Variants in STX16 observed in about 807,000 individuals in gnomAD.
STX16 encodes syntaxin 16.
STX16 carries 28 observed loss-of-function variants against 42.7 expected under a neutral mutation model. That is an observed-to-expected ratio of 0.66 (90% confidence interval 0.49 to 0.90). STX16 has a LOEUF of 0.90. Ranked by LOEUF, STX16 falls within the 40% of genes least tolerant of loss-of-function variation. The probability of loss-of-function intolerance (pLI) is 0.00; values close to 1 mark genes in which losing one functional copy is unlikely to be tolerated. For synonymous variants in STX16, 156 were observed against 155.2 expected, an observed-to-expected ratio of 1.00 and a Z score of -0.04; for missense variants, 361 against 420.9, an observed-to-expected ratio of 0.86 and a Z score of 1.24.
In STX16 at chr20:58,671,166, G is replaced by A. The variant is rs781763936; in HGVS notation, c.661G>A (p.Asp221Asn). The A allele has an allele frequency of 1.3e-5, 21 of 1,613,778 alleles. No homozygotes were observed. The Admixed American group carries it at 1.3e-4, about 10-fold the overall frequency. The change falls in exon 7 of 9, where the codon GAC becomes AAC. Residue 221 changes from aspartate to asparagine, a missense_variant. Physicochemically the swap from Asp to Asn is conservative, Grantham distance 23 (BLOSUM62 1). Coordinates refer to ENST00000371141, the MANE Select transcript of STX16 (RefSeq NM_001001433.3). ...ACTGTCTTGCTAGGGTTTTACAGAG[G>A]ACCAGTTAGTTCTGGTGGAGCAGAA... ...NTLYHRGFTE[D>N]QLVLVEQNTL...
At position 58,651,863 on chromosome 20, in the gene STX16, G is replaced by C; in HGVS notation, c.-144G>C. 3.7e-6 allele frequency: 3 copies of C among 808,338 alleles called. No individual in the cohort carries two copies. Among genetic ancestry groups the C allele is most frequent in the Non-Finnish European group, 6.0e-6 (3 of 501,466 alleles). 50.1% of individuals were successfully genotyped at this position (808,338 alleles called of 1,614,324 possible). ...CTACGCCTTGGCGAAGCGCACAGCT[G>C]CATCTTTTTGGCTTGAGGCCTGAGG... On this transcript the variant is annotated 5_prime_UTR_variant, in exon 1 of 9. Coordinates refer to ENST00000371141, the MANE Select transcript of STX16 (RefSeq NM_001001433.3).
At position 58,667,882 on chromosome 20, in the gene STX16, CCAA is replaced by C. The variant is rs1272056318; in HGVS notation, c.253-101_253-99del. 9 of 1,476,692 alleles carry C rather than the reference CCAA, an allele frequency of 6.1e-6. No individual in the cohort carries two copies. The African/African-American group carries it at 1.1e-4, about 18-fold the overall frequency. 91.5% of individuals were successfully genotyped at this position (1,476,692 alleles called of 1,614,324 possible). A position where few individuals can be genotyped will look rare whatever the true frequency, so the allele number is the denominator to read the frequency against. On this transcript the variant is annotated intron_variant, in intron 3 of 8. Transcript: ENST00000371141. ...TAAAAGCTGCTCACACATCAGCAAG[CCAA>C]CAAGTTTGCTGAAGACCGAATTCTG...
intron 6 of STX16, 107 bp from the exon 7 acceptor site, chr20:58,671,047 T>G: frequency 8.6e-7 from 1 of 1,158,388 alleles, no homozygotes. Context: ...AGAATTCATT[T>G]TCTTTAAATT....
At chr20:58,652,222 T>C (rs2122877887) in intron 1 of STX16, 84 bp downstream of exon 1, 1 of 1,567,186 alleles carries the variant, frequency 6.4e-7, no homozygotes, top group South Asian at 1.1e-5. Context: ...TGTCTCTCTG[T>C]TTAAAAAGAG....
intron 1 of STX16, among the ~76,000 whole-genome samples, chr20:58,654,444 A>G (rs1022364120): frequency 1.8e-4 from 27 of 152,238 alleles, no homozygotes; most frequent in African/African-American, 6.5e-4. Flanking sequence ...GATTCGTAAC[A>G]AAATCTATTC....
chr20:58,668,425 G>A (rs756545458), intron 4 of STX16, among the ~76,000 whole-genome samples: 5 of 152,064 alleles, frequency 3.3e-5, no homozygotes, highest in African/African-American at 4.8e-5. Flanking sequence ...AACTAATATC[G>A]TATACTAGTG....
intron 1 of STX16, among the ~76,000 whole-genome samples, chr20:58,655,503 A>G (rs2083566312): frequency 6.6e-6 from 1 of 152,200 alleles, no homozygotes; most frequent in Non-Finnish European, 1.5e-5. Context: ...ACAAAGCCTC[A>G]AGGGCCAGAA....
chr20:58,652,269 C>T, intron 1 of STX16, 131 bp downstream of exon 1: 1 of 1,364,008 alleles, frequency 7.3e-7, no homozygotes, highest in Non-Finnish European at 1.0e-6. Flanking sequence ...AATAAGATCT[C>T]TTGGCTAGAG....
At chr20:58,669,510 T>G (rs2083920969) in intron 5 of STX16, 57 bp downstream of exon 5, 2 of 1,545,954 alleles carry the variant, frequency 1.3e-6, no homozygotes, top group African/African-American at 2.8e-5. Context: ...ACTTTATGTT[T>G]TCTTTTTTGC....
At chr20:58,674,671 A>G (rs183303091) in intron 8 of STX16, among the ~76,000 whole-genome samples, 3 of 152,312 alleles carry the variant, frequency 2.0e-5, no homozygotes, top group African/African-American at 7.2e-5. Context: ...GTAGGTGGAT[A>G]TGAGACTCCA....
rs1469760074 is a variant in STX16, at chr20:58,678,694, A to C, written c.*2403A>C. ...CTGGGTTTCCCAAGGTGGGAGAGAC[A>C]GACCCAGCCTGGAGCTGGCCCCTGG... On this transcript the variant is annotated 3_prime_UTR_variant, in exon 9 of 9. Coordinates refer to ENST00000371141, the MANE Select transcript of STX16 (RefSeq NM_001001433.3). 1.3e-5 allele frequency: 2 copies of C among 151,942 alleles called. No homozygotes were observed. The highest frequency in any genetic ancestry group is 2.9e-5 in the Non-Finnish European group (2 of 68,050). The allele number at this position is 151,942 out of a possible 1,614,324, so 9.4% of individuals were successfully genotyped here.
At chr20:58,663,500 AT>A (rs1194391238) in intron 2 of STX16, among the ~76,000 whole-genome samples, 1 of 151,986 alleles carries the variant, frequency 6.6e-6, no homozygotes, top group Non-Finnish European at 1.5e-5. Flanking sequence ...CATCTGTTGG[AT>A]TTTTTCTGCA....
At position 58,677,917 on chromosome 20, in the gene STX16, A is replaced by T. The variant is rs2084172214; in HGVS notation, c.*1626A>T. The T allele has an allele frequency of 1.3e-5, 2 of 152,190 alleles. No homozygotes were observed. The highest frequency in any genetic ancestry group is 1.3e-4 in the Admixed American group (2 of 15,276). 9.4% of individuals were successfully genotyped at this position (152,190 alleles called of 1,614,324 possible). On this transcript the variant is annotated 3_prime_UTR_variant, in exon 9 of 9. Coordinates refer to ENST00000371141, the MANE Select transcript of STX16 (RefSeq NM_001001433.3). ...TGTGGCTGTGGAATGATAAGGTCCT[A>T]GAGGGGCCCTGGCATTTCAGGAAGC...
At chr20:58,665,373 T>C (rs2083797419) in intron 2 of STX16, among the ~76,000 whole-genome samples, 1 of 152,208 alleles carries the variant, frequency 6.6e-6, no homozygotes, top group Non-Finnish European at 1.5e-5. Flanking sequence ...TTGTCTTGAT[T>C]CATTTTCTTA....
chr20:58,671,494 T>C (rs1160672920), intron 7 of STX16, among the ~76,000 whole-genome samples, 197 bp downstream of exon 7: 2 of 151,360 alleles, frequency 1.3e-5, no homozygotes, highest in Non-Finnish European at 2.9e-5. Context: ...TAATCAAATA[T>C]TAAATTTGAT....
chr20:58,675,097 G>A (rs1423201793), intron 8 of STX16, among the ~76,000 whole-genome samples: 5 of 152,090 alleles, frequency 3.3e-5, no homozygotes, highest in Non-Finnish European at 7.4e-5. Context: ...GGCAGCACGC[G>A]CGTGCTCGGC....
At position 58,652,151 on chromosome 20, in the gene STX16, G is replaced by A. The variant is rs1457525921; in HGVS notation, c.132+13G>A. On this transcript the variant is annotated intron_variant, in intron 1 of 8. Coordinates refer to ENST00000371141, the MANE Select transcript of STX16 (RefSeq NM_001001433.3). ...TAGCATTGCTGCGGTGAGTCTCCTG[G>A]CGGCCTCTCCGACACACGGACCGTG... 6.2e-7 allele frequency: 1 copy of A among 1,613,106 alleles called. No homozygotes were observed. Among genetic ancestry groups the A allele is most frequent in the Admixed American group, 1.7e-5 (1 of 60,020 alleles).
In STX16 at chr20:58,651,969, C is replaced by A. The variant is rs200958706; in HGVS notation, c.-38C>A. ...TGAATAAATCAGGAATATAAGTGGGCGGGGGGCCCCTGAGAGGGGGGTCGC... is the reference window on the plus strand; with the variant it reads ...TGAATAAATCAGGAATATAAGTGGGAGGGGGGCCCCTGAGAGGGGGGTCGC... On this transcript the variant is annotated 5_prime_UTR_variant, in exon 1 of 9. Coordinates refer to ENST00000371141, the MANE Select transcript of STX16 (RefSeq NM_001001433.3). 27 of 1,607,154 alleles carry A rather than the reference C, an allele frequency of 1.7e-5. No individual in the cohort carries two copies. The African/African-American group carries it at 3.1e-4, about 18-fold the overall frequency.
In STX16 at chr20:58,667,567, A is replaced by G; in HGVS notation, c.222A>G (p.Pro74=). The G allele has an allele frequency of 1.2e-6, 2 of 1,614,092 alleles. No homozygotes were observed. The highest frequency in any genetic ancestry group is 2.2e-5 in the South Asian group (2 of 91,084). ...CAGCGATTGGTGTGACAAAACGGCC[A>G]CCTCCTAAGTGGGTGGATGGAGTGG... The part of the protein sequence containing the change: ...PEAAIGVTKR[P]PPKWVDGVDE... The change falls in exon 3 of 9, where the codon CCA becomes CCG. Residue 74 remains proline, a synonymous_variant. Coordinates refer to ENST00000371141, the MANE Select transcript of STX16 (RefSeq NM_001001433.3).
Sources: allele counts gnomAD v4.1 joint callset (sites outside exome capture counted in the v4.1 genomes callset), GRCh38; gene constraint gnomAD v4.1.1; transcripts MANE v1.5; gene names NCBI Gene and HGNC (gene_info 2026-07-23, HGNC 2026-07-21).